TMEM9: variants seen among roughly 807,000 people sequenced by gnomAD.
The protein encoded by TMEM9 is proton-transporting V-type ATPase complex assembly regulator TMEM9.
Under a neutral mutation model 22.8 loss-of-function variants are expected in TMEM9, and 13 were observed. That is an observed-to-expected ratio of 0.57 (90% confidence interval 0.37 to 0.91). The LOEUF (loss-of-function observed/expected upper bound fraction) is 0.91. TMEM9 is among the 40% of genes least tolerant of loss of function. TMEM9 has a pLI of 0.01. For synonymous variants in TMEM9, 88 were observed against 93.0 expected, an observed-to-expected ratio of 0.95 and a Z score of 0.31; for missense variants, 182 against 238.1, an observed-to-expected ratio of 0.76 and a Z score of 1.55.
intron 4 of TMEM9, among the ~76,000 whole-genome samples, chr1:201,143,499 C>T (rs1238377019): frequency 6.6e-6 from 1 of 152,058 alleles, no homozygotes; most frequent in Non-Finnish European, 1.5e-5. Context: ...AATGTCTGAG[C>T]ACACGGGGGA....
upstream of TMEM9, among the ~76,000 whole-genome samples, chr1:201,157,643 G>A (rs1665838165): frequency 6.6e-6 from 1 of 152,208 alleles, no homozygotes; most frequent in African/African-American, 2.4e-5. Context: ...AGGTGCTGGG[G>A]ATATCTCAGT....
Position 201,164,968 on chromosome 1 carries a change from A to T in TMEM9, c.-37+6522T>A, listed in dbSNP as rs180697941. ...GCAGTCTCCCTAGGGAGGGTGAGAT[A>T]CCGTAATTAACTCATGTCAGGCCCA... On this transcript the variant is annotated intron_variant, in intron 1 of 5. Transcript: ENST00000367333. 6.6e-5 allele frequency among the ~76,000 whole-genome samples: 10 copies of T among 151,872 alleles called. No individual in the cohort carries two copies. In the East Asian group the frequency reaches 1.2e-3, roughly 18 times the overall value.
In TMEM9 at chr1:201,152,306, AG is replaced by A. The variant is rs1665497440; in HGVS notation, c.67-455del. Among the ~76,000 whole-genome samples the A allele has an allele frequency of 2.0e-5, 3 of 152,296 alleles. No homozygotes were observed. The South Asian group carries it at 6.2e-4, about 32-fold the overall frequency. ...TAGGATTGGGGAAACATAAAGGGCG[AG>A]GGTGAATAAGAAAAAGTGGATCATT... On this transcript the variant is annotated intron_variant, in intron 1 of 4. Coordinates refer to ENST00000367330, the MANE Select transcript of TMEM9 (RefSeq NM_001288565.2).
At chr1:201,136,809 C>T (rs111403486) in intron 4 of TMEM9, among the ~76,000 whole-genome samples, 2,422 of 152,310 alleles carry the variant, frequency 0.016, 35 homozygotes, top group Non-Finnish European at 0.024. Context: ...CCCTGCCTCT[C>T]ATCTCCTGCC....
At position 201,166,523 on chromosome 1, in the gene TMEM9, C is replaced by CGGCTAAT. The variant is rs1558122637; in HGVS notation, c.-37+4960_-37+4966dup. Among the ~76,000 whole-genome samples the CGGCTAAT allele has an allele frequency of 2.6e-5, 4 of 152,040 alleles. No individual in the cohort carries two copies. In the South Asian group the frequency reaches 8.3e-4, roughly 32 times the overall value. The stretch of plus-strand genomic sequence containing the variant: ...AACTGCAGGCACCTGCCACCATGCC[C>CGGCTAAT]GGCTAATTTTTGTGTTTTTAGTAGA... On this transcript the variant is annotated intron_variant, in intron 1 of 5. Transcript: ENST00000367333.
chr1:201,152,992 C>T (rs1665549558), intron 1 of TMEM9, among the ~76,000 whole-genome samples: 1 of 152,182 alleles, frequency 6.6e-6, no homozygotes, highest in African/African-American at 2.4e-5. Context: ...CTCTAGAGGA[C>T]CCACTTTCTG....
At chr1:201,166,362 G>T (rs1254660342) in intron 1 of TMEM9, among the ~76,000 whole-genome samples, 1 of 63,670 alleles carries the variant, frequency 1.6e-5, no homozygotes, top group Non-Finnish European at 2.9e-5. Flanking sequence ...AAAAGACTAT[G>T]ATTCTTTTTT....
At position 201,170,957 on chromosome 1, in the gene TMEM9, A is replaced by T. The variant is rs529148253; in HGVS notation, c.-37+533T>A. 8.5e-5 allele frequency among the ~76,000 whole-genome samples: 13 copies of T among 152,286 alleles called. 1 individual carries two copies. In the South Asian group the frequency reaches 2.7e-3, roughly 32 times the overall value. On this transcript the variant is annotated intron_variant, in intron 1 of 5. Coordinates refer to the TMEM9 transcript ENST00000367333. ...AGGTGGCGTCCCGCAGAATGAGAAC[A>T]TTTCTGTGCCGGGCCAGCAGGTGTT...
At chr1:201,141,445 G>C (rs1214704061) in intron 4 of TMEM9, among the ~76,000 whole-genome samples, 3 of 152,130 alleles carry the variant, frequency 2.0e-5, no homozygotes, top group Admixed American at 2.0e-4. Flanking sequence ...GCCAAAGAAC[G>C]GGACTGGGGG....
chr1:201,158,393 C>T (rs1665856264), upstream of TMEM9, among the ~76,000 whole-genome samples: 1 of 105,786 alleles, frequency 9.5e-6, no homozygotes, highest in Non-Finnish European at 1.7e-5. Context: ...ATTTGAGGCA[C>T]AATTCAAGAG....
intron 4 of TMEM9, among the ~76,000 whole-genome samples, chr1:201,139,225 GCTC>G (rs1175880215): frequency 6.6e-6 from 1 of 152,124 alleles, no homozygotes; most frequent in Non-Finnish European, 1.5e-5. Flanking sequence ...CTCTCTGGCT[GCTC>G]CTCCTCCCTC....
intron 1 of TMEM9, among the ~76,000 whole-genome samples, chr1:201,170,539 C>G (rs900005177): frequency 1.3e-5 from 2 of 152,146 alleles, no homozygotes; most frequent in Admixed American, 1.3e-4. Flanking sequence ...TGCTGAAATG[C>G]TGACAAGTCT....
intron 4 of TMEM9, among the ~76,000 whole-genome samples, chr1:201,139,098 G>A (rs1214966018): frequency 1.3e-5 from 2 of 152,200 alleles, no homozygotes; most frequent in African/African-American, 4.8e-5. Context: ...GGCCGTCCCA[G>A]ATGAAACCCT....
chr1:201,146,782 C>T lies in TMEM9; in HGVS notation c.225G>A (p.Leu75=). The T allele has an allele frequency of 6.2e-7, 1 of 1,614,240 alleles. No individual in the cohort carries two copies. The highest frequency in any genetic ancestry group is 8.5e-7 in the Non-Finnish European group (1 of 1,180,044). The part of the protein sequence containing the change: ...PGHDVEAYCL[L]CECRYEERST... The stretch of plus-strand genomic sequence containing the variant: ...TGCGCTCCTCGTACCTGCACTCGCA[C>T]AGCAGGCAGTAGGCCTCCACGTCAT... Residue 75 remains leucine (L), a synonymous_variant, in exon 3 of 5, where the codon CTG becomes CTA. Coordinates refer to ENST00000367330, the MANE Select transcript of TMEM9 (RefSeq NM_001288565.2).
At chr1:201,163,236 A>G (rs910157931) in intron 1 of TMEM9, among the ~76,000 whole-genome samples, 2 of 152,188 alleles carry the variant, frequency 1.3e-5, no homozygotes, top group Admixed American at 6.5e-5. Flanking sequence ...GCAGTGAACC[A>G]TGGTCATGCC....
chr1:201,171,317 C>CT (rs1173068958), intron 1 of TMEM9, among the ~76,000 whole-genome samples: 2 of 152,234 alleles, frequency 1.3e-5, no homozygotes, highest in Admixed American at 6.5e-5. Context: ...CGGGGGTGCA[C>CT]TGGCCGCTGG....
At chr1:201,162,535 GAA>G (rs34818227) in intron 1 of TMEM9, among the ~76,000 whole-genome samples, 27,322 of 114,798 alleles carry the variant, frequency 0.24, 2,728 homozygotes, top group Non-Finnish European at 0.28. Context: ...CATACATAGG[GAA>G]AAAAAAAAAA....
At chr1:201,137,364 G>A (rs758833205) in intron 4 of TMEM9, among the ~76,000 whole-genome samples, 11 of 152,170 alleles carry the variant, frequency 7.2e-5, no homozygotes, top group Non-Finnish European at 1.6e-4. Flanking sequence ...ATGTGTCCCT[G>A]AACAAGTTAC....
intron 4 of TMEM9, among the ~76,000 whole-genome samples, chr1:201,140,162 T>C (rs892037337): frequency 1.3e-5 from 2 of 152,188 alleles, no homozygotes; most frequent in Non-Finnish European, 2.9e-5. Context: ...ATCATCACCT[T>C]TCCTTGATTT....
Sources: allele counts gnomAD v4.1 joint callset (sites outside exome capture counted in the v4.1 genomes callset), GRCh38; gene constraint gnomAD v4.1.1; transcripts MANE v1.5; gene names NCBI Gene and HGNC (gene_info 2026-07-23, HGNC 2026-07-21).